CCDC38: variants seen among roughly 807,000 people sequenced by gnomAD.
The protein encoded by CCDC38 is coiled-coil domain-containing protein 38.
CCDC38 carries 69 observed loss-of-function variants against 72.8 expected under a neutral mutation model. The observed-to-expected ratio is 0.95, with a 90% CI of 0.78 to 1.16. The LOEUF is 1.16. Among genes scored for constraint, CCDC38 ranks in the 50% most tolerant of loss-of-function variants. CCDC38 has a pLI of 0.00. For synonymous variants in CCDC38, 201 were observed against 213.2 expected, an observed-to-expected ratio of 0.94 and a Z score of 0.50; for missense variants, 626 against 638.9, an observed-to-expected ratio of 0.98 and a Z score of 0.22.
intron 10 of CCDC38, among the ~76,000 whole-genome samples, chr12:95,886,894 TGAACATGCGGCC>T (rs1177734921): frequency 6.6e-6 from 1 of 152,164 alleles, no homozygotes; most frequent in Non-Finnish European, 1.5e-5. Flanking sequence ...CTTTAAAAAC[TGAACATGCGGCC>T]GGGCGTGGTG....
At chr12:95,910,344 G>A (rs2080078593) in intron 4 of CCDC38, among the ~76,000 whole-genome samples, 1 of 149,172 alleles carries the variant, frequency 6.7e-6, no homozygotes, top group Non-Finnish European at 1.5e-5. Context: ...AAATACCTAT[G>A]GATATTTGTA....
chr12:95,875,509 ACAAT>A lies in CCDC38; in HGVS notation c.1278+2698_1278+2701del, dbSNP rs1411889791. 3.9e-5 allele frequency among the ~76,000 whole-genome samples: 6 copies of A among 152,204 alleles called. No individual in the cohort carries two copies. The East Asian group carries it at 1.2e-3, about 29-fold the overall frequency. ...CAGAGTAACATAATTTATGAATATC[ACAAT>A]CAAATATGTCAATTATACCTCAATA... On this transcript the variant is annotated intron_variant, in intron 13 of 15. Coordinates refer to ENST00000344280, the MANE Select transcript of CCDC38 (RefSeq NM_182496.3).
chr12:95,907,577 G>T (rs2080023204), intron 4 of CCDC38, among the ~76,000 whole-genome samples: 1 of 136,738 alleles, frequency 7.3e-6, no homozygotes, highest in Non-Finnish European at 1.6e-5. Context: ...GCCAGGCGGG[G>T]GACTGACACC....
intron 2 of CCDC38, among the ~76,000 whole-genome samples, chr12:95,925,299 G>A (rs1424544957): frequency 1.3e-5 from 2 of 152,094 alleles, no homozygotes; most frequent in South Asian, 2.1e-4. Context: ...TCTCTTTGAA[G>A]CAATTGTGAA....
intron 5 of CCDC38, among the ~76,000 whole-genome samples, chr12:95,904,314 T>C (rs1286701066): frequency 2.6e-5 from 4 of 152,232 alleles, no homozygotes; most frequent in Non-Finnish European, 4.4e-5. Context: ...GTTAGCCAAA[T>C]TGAAAATTTC....
At chr12:95,942,814 T>TC, upstream of CCDC38, 1 of 152,842 alleles carries the variant, frequency 6.5e-6, no homozygotes, top group Non-Finnish European at 1.5e-5. Flanking sequence ...GGCAGAGGTT[T>TC]CCCCCACTCT....
chr12:95,869,657 G>T, intron 14 of CCDC38, 84 bp from the exon 15 acceptor site: 1 of 973,244 alleles, frequency 1.0e-6, no homozygotes, highest in Non-Finnish European at 1.6e-6. Flanking sequence ...AATGAGCCAT[G>T]TGACTAGAAG....
intron 10 of CCDC38, among the ~76,000 whole-genome samples, chr12:95,882,531 A>G (rs926409467): frequency 1.3e-5 from 2 of 152,190 alleles, no homozygotes; most frequent in Admixed American, 6.5e-5. Context: ...GCAGCTGGAG[A>G]GAAAGTGTGG....
intron 1 of CCDC38, among the ~76,000 whole-genome samples, chr12:95,938,643 C>G (rs143785367): frequency 1.4e-4 from 22 of 152,304 alleles, no homozygotes; most frequent in African/African-American, 5.3e-4. Flanking sequence ...TACTTCTATA[C>G]TTCCATATGC....
Position 95,868,297 on chromosome 12 carries a change from C to T in CCDC38, c.1579-1108G>A, listed in dbSNP as rs530042908. 1.2e-4 allele frequency among the ~76,000 whole-genome samples: 18 copies of T among 151,888 alleles called. No homozygotes were observed. The South Asian group carries it at 2.5e-3, about 21-fold the overall frequency. On this transcript the variant is annotated intron_variant, in intron 15 of 15. Transcript: ENST00000344280. ...ATGTGCCAGGTATTAGGAATACAAA[C>T]GTCATAAAACTCATGGTCTAGAAGG... is the stretch of plus-strand genomic sequence containing the variant.
intron 4 of CCDC38, among the ~76,000 whole-genome samples, chr12:95,906,778 T>TA (rs1053318167): frequency 1.3e-5 from 2 of 150,094 alleles, no homozygotes; most frequent in African/African-American, 4.9e-5. Flanking sequence ...TTCTTTTTTT[T>TA]TTTTTTCCAA....
At chr12:95,934,341 G>A (rs534385166) in intron 2 of CCDC38, 5 of 152,086 alleles carry the variant, frequency 3.3e-5, no homozygotes, top group African/African-American at 1.2e-4. Flanking sequence ...TTCATATTAT[G>A]TTATTAATAT....
intron 15 of CCDC38, among the ~76,000 whole-genome samples, chr12:95,867,857 C>T (rs1361873790): frequency 6.6e-6 from 1 of 152,062 alleles, no homozygotes; most frequent in Non-Finnish European, 1.5e-5. Context: ...GGGAAACTAC[C>T]ATAATTCTAT....
chr12:95,881,349 T>C (rs983573920), intron 11 of CCDC38, 136 bp downstream of exon 11: 14 of 571,000 alleles, frequency 2.5e-5, no homozygotes, highest in Non-Finnish European at 3.3e-5. Flanking sequence ...AATTGGAGAA[T>C]AGTATCAAAA....
intron 10 of CCDC38, among the ~76,000 whole-genome samples, chr12:95,883,530 T>C (rs1055810663): frequency 1.3e-5 from 2 of 152,292 alleles, no homozygotes; most frequent in Admixed American, 6.5e-5. Flanking sequence ...CCTCCTCTTA[T>C]AGACTCAGCT....
chr12:95,901,693 A>G (rs1043670797), intron 5 of CCDC38, among the ~76,000 whole-genome samples: 1 of 152,200 alleles, frequency 6.6e-6, no homozygotes, highest in Middle Eastern at 3.2e-3. Flanking sequence ...AGGTGTGAAT[A>G]GACCAATTGC....
At chr12:95,888,880 T>C (rs1245531555) in intron 9 of CCDC38, among the ~76,000 whole-genome samples, 1 of 151,940 alleles carries the variant, frequency 6.6e-6, no homozygotes, top group Non-Finnish European at 1.5e-5. Context: ...ATGTACTGTT[T>C]GTCTTTGTGT....
At chr12:95,885,344 A>G (rs369495264) in intron 10 of CCDC38, 7 of 156,100 alleles carry the variant, frequency 4.5e-5, no homozygotes, top group Admixed American at 6.5e-5. Context: ...CTGACTTGCA[A>G]TAGTTTCAAT....
At chr12:95,904,213 G>A (rs985786739) in intron 5 of CCDC38, among the ~76,000 whole-genome samples, 5 of 151,878 alleles carry the variant, frequency 3.3e-5, no homozygotes, top group African/African-American at 1.2e-4. Flanking sequence ...TTTTTAAATG[G>A]GTATTTCATG....
Sources: gnomAD v4.1 joint callset for allele counts (sites outside exome capture counted in the v4.1 genomes callset) on GRCh38, gnomAD v4.1.1 for gene constraint, MANE v1.5 for transcripts, NCBI Gene and HGNC (gene_info 2026-07-23, HGNC 2026-07-21) for gene names.